Variants in PARD6G observed in about 807,000 individuals in gnomAD.
PARD6G encodes par-6 family cell polarity regulator gamma, also known as partitioning defective 6 homolog gamma.
Under a neutral mutation model 10.7 loss-of-function variants are expected in PARD6G, and 7 were observed. The observed-to-expected ratio is 0.66, with a 90% confidence interval of 0.37 to 1.23. The LOEUF (loss-of-function observed/expected upper bound fraction) is 1.23, where lower values mean the gene tolerates loss of function less well. PARD6G is among the 50% of genes most tolerant of loss of function. The pLI is 0.02. For missense variants in PARD6G, 548 were observed against 571.8 expected, an observed-to-expected ratio of 0.96 and a Z score of 0.42; for synonymous variants, 287 against 269.4, an observed-to-expected ratio of 1.07 and a Z score of -0.64.
chr18:80,224,469 A>T (rs1967265643), intron 1 of PARD6G, among the ~76,000 whole-genome samples: 1 of 152,198 alleles, frequency 6.6e-6, no homozygotes, highest in African/African-American at 2.4e-5. Context: ...CTGTCGGCAC[A>T]AACAGGGCTC....
chr18:80,198,104 C>T (rs1352419192), intron 2 of PARD6G, among the ~76,000 whole-genome samples: 1 of 152,208 alleles, frequency 6.6e-6, no homozygotes, highest in Admixed American at 6.5e-5. Flanking sequence ...CCTTTTGCCC[C>T]CAAATGCCAT....
intron 2 of PARD6G, among the ~76,000 whole-genome samples, chr18:80,174,188 C>G (rs1323688124): frequency 6.6e-6 from 1 of 152,186 alleles, no homozygotes; most frequent in East Asian, 1.9e-4. Context: ...TTTCCAGGCC[C>G]TGTATCCTCT....
At chr18:80,178,741 CAT>C (rs1051192838) in intron 2 of PARD6G, among the ~76,000 whole-genome samples, 8 of 152,210 alleles carry the variant, frequency 5.3e-5, no homozygotes, top group Admixed American at 2.0e-4. Flanking sequence ...TTACAGAACA[CAT>C]GAGGCAGAAA....
At position 80,215,110 on chromosome 18, in the gene PARD6G, T is replaced by C. The variant is rs1000008403; in HGVS notation, c.73-12178A>G. On this transcript the variant is annotated intron_variant, in intron 1 of 2. Transcript: ENST00000353265. ...GGAAGGCAGTGGGGATAATTCTATA[T>C]CCGGCTAAGCTATCCTTCCAAAAAT... Among the ~76,000 whole-genome samples, 8 of 151,794 alleles carry C rather than the reference T, an allele frequency of 5.3e-5. No homozygotes were observed. In the East Asian group the frequency reaches 1.3e-3, roughly 26 times the overall value.
intron 1 of PARD6G, among the ~76,000 whole-genome samples, chr18:80,222,272 G>A (rs937519256): frequency 6.6e-6 from 1 of 151,814 alleles, no homozygotes; most frequent in African/African-American, 2.4e-5. Flanking sequence ...TAATTTTGTA[G>A]AGATGGAGTC....
At chr18:80,241,299 A>G (rs1967486948) in intron 1 of PARD6G, among the ~76,000 whole-genome samples, 1 of 152,144 alleles carries the variant, frequency 6.6e-6, no homozygotes, top group African/African-American at 2.4e-5. Context: ...CTTTGGAGCT[A>G]GACTATCTGG....
chr18:80,193,305 C>G (rs1966916328), intron 2 of PARD6G, among the ~76,000 whole-genome samples: 1 of 152,162 alleles, frequency 6.6e-6, no homozygotes, highest in Non-Finnish European at 1.5e-5. Flanking sequence ...CCCAGAGACT[C>G]AACAAACTCC....
At chr18:80,196,266 ACG>A (rs1162606131) in intron 2 of PARD6G, among the ~76,000 whole-genome samples, 1 of 152,220 alleles carries the variant, frequency 6.6e-6, no homozygotes, top group African/African-American at 2.4e-5. Context: ...GTGTAAAACT[ACG>A]TCCAACTAAC....
At chr18:80,236,073 G>A (rs965442868) in intron 1 of PARD6G, among the ~76,000 whole-genome samples, 19 of 152,076 alleles carry the variant, frequency 1.2e-4, no homozygotes, top group Admixed American at 3.3e-4. Flanking sequence ...GACCAATATC[G>A]CTGATGAGCA....
intron 2 of PARD6G, among the ~76,000 whole-genome samples, chr18:80,195,580 T>TATATATATATATGTATATATATATA (rs1217519591): frequency 7.4e-6 from 1 of 134,314 alleles, no homozygotes; most frequent in African/African-American, 2.8e-5. Flanking sequence ...TATACACACA[T>TATATATATATATGTATATATATATA]TTTTTTTTCT....
chr18:80,220,975 G>T (rs1318496159), intron 1 of PARD6G, among the ~76,000 whole-genome samples: 2 of 152,070 alleles, frequency 1.3e-5, no homozygotes, highest in Admixed American at 6.6e-5. Flanking sequence ...AGATGAAATG[G>T]ACTGATTCCT....
intron 2 of PARD6G, among the ~76,000 whole-genome samples, chr18:80,172,863 T>C (rs900004955): frequency 6.6e-6 from 1 of 152,274 alleles, no homozygotes; most frequent in Non-Finnish European, 1.5e-5. Flanking sequence ...TAATTTTTCT[T>C]TTTTGCTTGT....
intron 2 of PARD6G, among the ~76,000 whole-genome samples, chr18:80,191,497 G>T (rs1427916176): frequency 6.6e-6 from 1 of 152,192 alleles, no homozygotes; most frequent in Non-Finnish European, 1.5e-5. Flanking sequence ...CCCCATGTGT[G>T]TCCCTGGGCA....
At chr18:80,176,861 G>A (rs2145257612) in intron 2 of PARD6G, among the ~76,000 whole-genome samples, 1 of 151,964 alleles carries the variant, frequency 6.6e-6, no homozygotes, top group East Asian at 1.9e-4. Flanking sequence ...ACACACACAT[G>A]CACGGGATAA....
chr18:80,211,982 C>T (rs886635029), intron 1 of PARD6G, among the ~76,000 whole-genome samples: 3 of 151,944 alleles, frequency 2.0e-5, no homozygotes, highest in South Asian at 4.2e-4. Flanking sequence ...GTGATGGCTG[C>T]GTAACAATAT....
chr18:80,210,768 A>T (rs528602806), intron 1 of PARD6G, among the ~76,000 whole-genome samples: 4 of 152,350 alleles, frequency 2.6e-5, no homozygotes, highest in Non-Finnish European at 1.5e-5. Context: ...CCAATTTTAC[A>T]TCTCTTGCCA....
intron 1 of PARD6G, among the ~76,000 whole-genome samples, chr18:80,209,233 T>C (rs1428178360): frequency 6.6e-6 from 1 of 152,184 alleles, no homozygotes; most frequent in Non-Finnish European, 1.5e-5. Context: ...ATTCCAGGTA[T>C]ATGGCAAGAA....
chr18:80,177,506 G>A (rs2052820587), intron 2 of PARD6G, among the ~76,000 whole-genome samples: 3 of 135,674 alleles, frequency 2.2e-5, no homozygotes, highest in Non-Finnish European at 4.6e-5. Flanking sequence ...CAAATGGGAA[G>A]CACACATGCA....
At chr18:80,207,076 T>G (rs986384555) in intron 1 of PARD6G, among the ~76,000 whole-genome samples, 9 of 132,466 alleles carry the variant, frequency 6.8e-5, no homozygotes, top group African/African-American at 1.8e-4. Context: ...TATCAATAAA[T>G]ACTTAACAGT....
Sources: gnomAD v4.1 joint callset for allele counts (sites outside exome capture counted in the v4.1 genomes callset) on GRCh38, gnomAD v4.1.1 for gene constraint, MANE v1.5 for transcripts, NCBI Gene and HGNC (gene_info 2026-07-23, HGNC 2026-07-21) for gene names.